RAP2A: variants seen among roughly 807,000 people sequenced by gnomAD.
RAP2A encodes RAP2A, member of RAS oncogene family.
Under a neutral mutation model 15.1 loss-of-function variants are expected in RAP2A, and 5 were observed. The ratio of observed to expected loss-of-function variants is 0.33; its 90% CI spans 0.17 to 0.70. RAP2A has a LOEUF of 0.70. Ranked by LOEUF, RAP2A falls within the 30% of genes least tolerant of loss-of-function variation. The pLI is 0.68. For synonymous variants in RAP2A, 110 were observed against 99.7 expected (o/e 1.10, Z -0.62); for missense variants, 111 against 240.3 (o/e 0.46, Z 3.56).
In RAP2A at chr13:97,444,166, C is replaced by T. The variant is rs115150906; in HGVS notation, c.314+9382C>T. ...CTGTGTTTTAAGTGCTCTAACACTACGTTATAGAACTTATAGCATAGACCT... is the reference window on the plus strand; with the variant it reads ...CTGTGTTTTAAGTGCTCTAACACTATGTTATAGAACTTATAGCATAGACCT... On this transcript the variant is annotated intron_variant, in intron 1 of 1. Coordinates refer to ENST00000245304, the MANE Select transcript of RAP2A (RefSeq NM_021033.7). Among the ~76,000 whole-genome samples the T allele has an allele frequency of 3.5e-3, 539 of 152,252 alleles. 5 individuals are homozygous for T. The highest frequency in any genetic ancestry group is 0.012 in the African/African-American group (507 of 41,536).
chr13:97,448,398 T>C (rs1026328900), intron 1 of RAP2A, among the ~76,000 whole-genome samples: 3 of 152,250 alleles, frequency 2.0e-5, no homozygotes, highest in Admixed American at 1.3e-4. Context: ...ACAGTACTTA[T>C]TAATTCACGT....
chr13:97,440,629 CT>C lies in RAP2A; in HGVS notation c.314+5852del, dbSNP rs145485936. Among the ~76,000 whole-genome samples, 1,492 of 152,144 alleles carry C rather than the reference CT, an allele frequency of 9.8e-3. 26 individuals are homozygous for C. The highest frequency in any genetic ancestry group is 0.034 in the African/African-American group (1,396 of 41,536). On this transcript the variant is annotated intron_variant, in intron 1 of 1. Coordinates refer to ENST00000245304, the MANE Select transcript of RAP2A (RefSeq NM_021033.7). ...CGAAGAGCTCAGTGTTTTTCATGAT[CT>C]TTTTTTCTTTAAAAACCACTTTATT...
At chr13:97,439,907 GATT>G (rs1442378491) in intron 1 of RAP2A, among the ~76,000 whole-genome samples, 1 of 151,968 alleles carries the variant, frequency 6.6e-6, no homozygotes, top group Non-Finnish European at 1.5e-5. Flanking sequence ...TTTTTTTTAA[GATT>G]ATTATTAATT....
chr13:97,452,938 T>C (rs1205877071), intron 1 of RAP2A, among the ~76,000 whole-genome samples: 6 of 151,422 alleles, frequency 4.0e-5, no homozygotes, highest in African/African-American at 1.5e-4. Flanking sequence ...TTTCTAATTG[T>C]TTTCTAATTC....
chr13:97,437,792 TATAGCAATAATGC>T (rs2066640648), intron 1 of RAP2A, among the ~76,000 whole-genome samples: 1 of 152,220 alleles, frequency 6.6e-6, no homozygotes, highest in African/African-American at 2.4e-5. Flanking sequence ...TCAAGTACAG[TATAGCAATAATGC>T]ATAGCACTAA....
intron 1 of RAP2A, among the ~76,000 whole-genome samples, chr13:97,456,095 C>T (rs1355511328): frequency 1.4e-5 from 2 of 144,986 alleles, no homozygotes; most frequent in African/African-American, 2.6e-5. Flanking sequence ...GCTCTGCTAT[C>T]ACTTACTCTA....
At chr13:97,447,622 A>G (rs2066684997) in intron 1 of RAP2A, among the ~76,000 whole-genome samples, 1 of 152,244 alleles carries the variant, frequency 6.6e-6, no homozygotes, top group Non-Finnish European at 1.5e-5. Flanking sequence ...AAGGCATGAT[A>G]AAGAAAAATA....
chr13:97,453,346 T>G (rs2066710289), intron 1 of RAP2A, among the ~76,000 whole-genome samples: 1 of 151,242 alleles, frequency 6.6e-6, no homozygotes, highest in Non-Finnish European at 1.5e-5. Flanking sequence ...CGGGTTGCCC[T>G]TATAGTCACA....
intron 1 of RAP2A, among the ~76,000 whole-genome samples, chr13:97,446,471 AAGATGGCTGC>A (rs1170796546): frequency 4.6e-5 from 7 of 152,228 alleles, no homozygotes; most frequent in African/African-American, 1.7e-4. Context: ...CTCTTGATTA[AAGATGGCTGC>A]AGATTCTTTG....
chr13:97,466,185 T>TTTA lies in RAP2A; in HGVS notation c.*1743_*1744insTTA, dbSNP rs1472327998. ...CATTGGTAGCCCCCCAAGTGTTTAATAACTGGCATTAAGCTTAGAGGGTGA... is the reference window on the plus strand; with the variant it reads ...CATTGGTAGCCCCCCAAGTGTTTAATTTAAACTGGCATTAAGCTTAGAGGGTGA... On this transcript the variant is annotated 3_prime_UTR_variant, in exon 2 of 2. Transcript: ENST00000245304. 1 of 149,962 alleles carries TTTA rather than the reference T, an allele frequency of 6.7e-6. No homozygotes were observed. Among genetic ancestry groups the TTTA allele is most frequent in the African/African-American group, 2.5e-5 (1 of 40,654 alleles). The allele number at this position is 149,962 out of a possible 1,614,324, so 9.3% of individuals were successfully genotyped here.
Position 97,434,527 on chromosome 13 carries a change from G to A in RAP2A, c.57G>A (p.Leu19=), listed in dbSNP as rs763810643. ...LGSGGVGKSA[L]TVQFVTGTFI... ...CGGGCGGGGTAGGCAAATCCGCCCT[G>A]ACCGTGCAGTTCGTGACCGGCACCT... is the stretch of plus-strand genomic sequence containing the variant. The change falls in exon 1 of 2, where the codon CTG becomes CTA. Residue 19 remains leucine (L), a synonymous_variant. Coordinates refer to ENST00000245304, the MANE Select transcript of RAP2A (RefSeq NM_021033.7). The A allele has an allele frequency of 2.5e-6, 4 of 1,613,912 alleles. No individual in the cohort carries two copies. Among genetic ancestry groups the A allele is most frequent in the Non-Finnish European group, 3.4e-6 (4 of 1,179,946 alleles).
intron 1 of RAP2A, among the ~76,000 whole-genome samples, chr13:97,439,287 A>G (rs2066646880): frequency 6.6e-6 from 1 of 152,210 alleles, no homozygotes; most frequent in South Asian, 2.1e-4. Context: ...GATATGGTAG[A>G]TGTCTTAGTG....
At position 97,465,048 on chromosome 13, in the gene RAP2A, A is replaced by G. The variant is rs2066764681; in HGVS notation, c.*606A>G. ...TTATTCTAATTTGTGACATGGAACT[A>G]ACTCATGCTTCAATCCTTGATAGAG... On this transcript the variant is annotated 3_prime_UTR_variant, in exon 2 of 2. Coordinates refer to ENST00000245304, the MANE Select transcript of RAP2A (RefSeq NM_021033.7). 6.6e-6 allele frequency: 1 copy of G among 152,382 alleles called. No individual in the cohort carries two copies. Among genetic ancestry groups the G allele is most frequent in the Non-Finnish European group, 1.5e-5 (1 of 68,172 alleles). 9.4% of individuals were successfully genotyped at this position (152,382 alleles called of 1,614,324 possible).
Position 97,464,807 on chromosome 13 carries a change from C to T in RAP2A, c.*365C>T, listed in dbSNP as rs2066763607. ...GAAACCAGAAGAATTCCTCTGACCA[C>T]TTACAATTAAAATATTTTGTCTTCT... is the stretch of plus-strand genomic sequence containing the variant. On this transcript the variant is annotated 3_prime_UTR_variant, in exon 2 of 2. Coordinates refer to ENST00000245304, the MANE Select transcript of RAP2A (RefSeq NM_021033.7). The T allele has an allele frequency of 1.1e-5, 2 of 183,472 alleles. No homozygotes were observed. The highest frequency in any genetic ancestry group is 1.2e-4 in the Admixed American group (2 of 16,860). The allele number at this position is 183,472 out of a possible 1,614,324, so 11.4% of individuals were successfully genotyped here.
chr13:97,447,439 C>T (rs1443346669), intron 1 of RAP2A, among the ~76,000 whole-genome samples: 1 of 152,126 alleles, frequency 6.6e-6, no homozygotes, highest in East Asian at 1.9e-4. Context: ...TGGTGGTGCT[C>T]TGCCTCAATT....
intron 1 of RAP2A, among the ~76,000 whole-genome samples, chr13:97,463,893 G>GA (rs903230515): frequency 4.0e-4 from 60 of 150,986 alleles, no homozygotes; most frequent in Admixed American, 2.0e-4. Context: ...TCTCAGAATG[G>GA]AAAAAAAAGA....
At chr13:97,464,154 A>G (rs2066759777) in intron 1 of RAP2A, 51 bp from the exon 2 acceptor site, 1 of 1,580,776 alleles carries the variant, frequency 6.3e-7, no homozygotes, top group Non-Finnish European at 8.7e-7. Flanking sequence ...GACCTGTTTA[A>G]CTTTGTGCTA....
chr13:97,465,463 A>G lies in RAP2A; in HGVS notation c.*1021A>G, dbSNP rs560054682. On this transcript the variant is annotated 3_prime_UTR_variant, in exon 2 of 2. Transcript: ENST00000245304. ...TATGGTTGTAGTGTGACCCGTGGCT[A>G]ACCTGCTTTCAAAATCAAGTATTTG... 1 of 152,798 alleles carries G rather than the reference A, an allele frequency of 6.5e-6. No individual in the cohort carries two copies. The highest frequency in any genetic ancestry group is 2.4e-5 in the African/African-American group (1 of 41,584). 9.5% of individuals were successfully genotyped at this position (152,798 alleles called of 1,614,324 possible).
chr13:97,457,240 C>T (rs56396307), intron 1 of RAP2A, among the ~76,000 whole-genome samples: 3,897 of 151,290 alleles, frequency 0.026, 169 homozygotes, highest in African/African-American at 0.091. Context: ...GGTATAAACA[C>T]GTGAGAGATA....
Sources: gnomAD v4.1 joint callset for allele counts (sites outside exome capture counted in the v4.1 genomes callset) on GRCh38, gnomAD v4.1.1 for gene constraint, MANE v1.5 for transcripts, NCBI Gene and HGNC (gene_info 2026-07-23, HGNC 2026-07-21) for gene names.